DIPK1A: variants seen among roughly 807,000 people sequenced by gnomAD.
The protein encoded by DIPK1A is divergent protein kinase domain 1A.
A neutral mutation model predicts 40.8 loss-of-function variants in DIPK1A; 27 were observed. That is an observed-to-expected ratio of 0.66 (90% CI 0.49 to 0.91). DIPK1A has a LOEUF of 0.91. DIPK1A is among the 40% of genes least tolerant of loss of function. The pLI, the probability that DIPK1A is intolerant of heterozygous loss-of-function variation, is 0.00. For synonymous variants in DIPK1A, 166 were observed against 171.3 expected (o/e 0.97, Z 0.24); for missense variants, 412 against 505.7 (o/e 0.81, Z 1.78).
intron 1 of DIPK1A, among the ~76,000 whole-genome samples, chr1:92,896,684 A>G (rs1356254996): frequency 6.6e-6 from 1 of 152,052 alleles, no homozygotes; most frequent in Non-Finnish European, 1.5e-5. Flanking sequence ...GAGCTTCTGC[A>G]CAGCAAAGAA....
At chr1:92,834,668 G>A in intron 4 of DIPK1A, 3 of 1,406,550 alleles carry the variant, frequency 2.1e-6, no homozygotes, top group South Asian at 1.2e-5. Context: ...AGCATTTTAA[G>A]TGATGTTCAT....
At chr1:92,918,230 A>G (rs1170310166) in intron 1 of DIPK1A, among the ~76,000 whole-genome samples, 1 of 152,020 alleles carries the variant, frequency 6.6e-6, no homozygotes, top group African/African-American at 2.4e-5. Context: ...GCTCACTCCA[A>G]TCTCCACCTT....
Position 92,850,845 on chromosome 1 carries a change from T to C in DIPK1A, c.297+3A>G. ...CTGGAATGTTTATTCATAATGGCCA[T>C]ACCTGATTGTTGGGCTTGGTGGATA... On this transcript the variant is annotated splice_donor_region_variant and intron_variant, in intron 3 of 4. Coordinates refer to ENST00000370310, the MANE Select transcript of DIPK1A (RefSeq NM_001006605.5). 6.6e-7 allele frequency: 1 copy of C among 1,515,714 alleles called. No homozygotes were observed. The highest frequency in any genetic ancestry group is 1.4e-5 in the African/African-American group (1 of 72,664). 93.9% of individuals were successfully genotyped at this position (1,515,714 alleles called of 1,614,324 possible). A position where few individuals can be genotyped will look rare whatever the true frequency, so the allele number is the denominator to read the frequency against.
At chr1:92,954,571 C>T (rs780933786) in intron 1 of DIPK1A, among the ~76,000 whole-genome samples, 8 of 151,654 alleles carry the variant, frequency 5.3e-5, no homozygotes, top group Admixed American at 2.0e-4. Flanking sequence ...GACAGGGTTT[C>T]GCCACATTGG....
rs181202100 is a variant in DIPK1A at position 92,926,199 on chromosome 1, A to C, written c.54+35177T>G. ...TCTAATATGAACAATTAAAGCTATA[A>C]ATTTCTCTGTAAGCAGTGCTTTAAC... On this transcript the variant is annotated intron_variant, in intron 1 of 4. Coordinates refer to ENST00000370310, the MANE Select transcript of DIPK1A (RefSeq NM_001006605.5). Among the ~76,000 whole-genome samples, 66 of 152,302 alleles carry C rather than the reference A, an allele frequency of 4.3e-4. 1 individual carries two copies. The highest frequency in any genetic ancestry group is 1.6e-3 in the African/African-American group (66 of 41,582).
intron 2 of DIPK1A, among the ~76,000 whole-genome samples, chr1:92,865,034 T>A (rs182384690): frequency 0.012 from 1,026 of 82,324 alleles, 11 homozygotes; most frequent in African/African-American, 0.048. Flanking sequence ...AGAGTGAGAC[T>A]CCGTCTCAAA....
At chr1:92,900,800 T>C (rs71652510) in intron 1 of DIPK1A, among the ~76,000 whole-genome samples, 31,870 of 151,954 alleles carry the variant, frequency 0.21, 3,848 homozygotes, top group Non-Finnish European at 0.27. Context: ...GGACCCAAGC[T>C]GCTAAAAGGT....
chr1:92,915,790 AAAT>A (rs1424771630), intron 1 of DIPK1A, among the ~76,000 whole-genome samples: 2 of 152,230 alleles, frequency 1.3e-5, no homozygotes, highest in African/African-American at 4.8e-5. Context: ...AAAGAACTAA[AAAT>A]ATATGTCCAC....
intron 1 of DIPK1A, among the ~76,000 whole-genome samples, chr1:92,940,672 T>G (rs1461845377): frequency 6.6e-6 from 1 of 152,250 alleles, no homozygotes; most frequent in Non-Finnish European, 1.5e-5. Flanking sequence ...CTTGCATATT[T>G]TTAAGTTGAC....
At chr1:92,937,434 T>G (rs1488642094) in intron 1 of DIPK1A, among the ~76,000 whole-genome samples, 1 of 152,238 alleles carries the variant, frequency 6.6e-6, no homozygotes, top group Non-Finnish European at 1.5e-5. Context: ...TTTGCAGATG[T>G]GACTTTCAAT....
chr1:92,854,991 T>C (rs545978989), intron 2 of DIPK1A, among the ~76,000 whole-genome samples: 2 of 150,136 alleles, frequency 1.3e-5, no homozygotes, highest in South Asian at 4.2e-4. Context: ...TGACCACATA[T>C]AAATAAAAAA....
chr1:92,886,844 T>G (rs958423794), intron 1 of DIPK1A, among the ~76,000 whole-genome samples: 21 of 152,044 alleles, frequency 1.4e-4, no homozygotes, highest in African/African-American at 5.1e-4. Flanking sequence ...TATAGCTTAT[T>G]GGAACACAGT....
intron 1 of DIPK1A, among the ~76,000 whole-genome samples, chr1:92,935,156 C>T (rs1366013350): frequency 6.6e-6 from 1 of 152,166 alleles, no homozygotes. Flanking sequence ...CAGGACAAAA[C>T]ACAGGTCTTG....
At chr1:92,840,760 G>T (rs10874744), downstream of DIPK1A, 1 of 796,240 alleles carries the variant, frequency 1.3e-6, no homozygotes, top group African/African-American at 1.7e-5. Context: ...TGGCAGAAGC[G>T]AAGGGAACCA....
intron 2 of DIPK1A, among the ~76,000 whole-genome samples, chr1:92,855,089 CTG>C (rs1364935146): frequency 6.6e-6 from 1 of 151,818 alleles, no homozygotes; most frequent in East Asian, 1.9e-4. Context: ...GACCAAAAAA[CTG>C]TACAATTTTT....
At chr1:92,840,900 TTGA>T (rs1687337084), downstream of DIPK1A, 1 of 584,726 alleles carries the variant, frequency 1.7e-6, no homozygotes, top group Non-Finnish European at 3.2e-6. Context: ...TTGCTTTTTG[TTGA>T]TCTTTCATGT....
downstream of DIPK1A, chr1:92,837,368 C>T (rs367590103): frequency 4.9e-5 from 55 of 1,118,198 alleles, no homozygotes; most frequent in African/African-American, 5.0e-4. Flanking sequence ...TGTTTCAAGA[C>T]GGGACTGATG....
chr1:92,843,367 A>G lies in DIPK1A; in HGVS notation c.*16T>C, dbSNP rs762054117. On this transcript the variant is annotated 3_prime_UTR_variant, in exon 5 of 5. Coordinates refer to ENST00000370310, the MANE Select transcript of DIPK1A (RefSeq NM_001006605.5). ...AAGTGGCAGGTTTCTTAAAATGGTA[A>G]TTATGTCCAAATGAACTAAGAGTCA... 103 of 1,479,622 alleles carry G rather than the reference A, an allele frequency of 7.0e-5. 2 individuals carry two copies. In the South Asian group the frequency reaches 7.3e-4, roughly 11 times the overall value. The allele number at this position is 1,479,622 out of a possible 1,614,324, so 91.7% of individuals were successfully genotyped here.
intron 1 of DIPK1A, among the ~76,000 whole-genome samples, chr1:92,945,163 G>A (rs528928598): frequency 6.6e-6 from 1 of 151,782 alleles, no homozygotes; most frequent in African/African-American, 2.4e-5. Context: ...GAGGTTTCTG[G>A]TAAGAAGAAA....
Sources: gnomAD v4.1 joint callset for allele counts (sites outside exome capture counted in the v4.1 genomes callset) on GRCh38, gnomAD v4.1.1 for gene constraint, MANE v1.5 for transcripts, NCBI Gene and HGNC (gene_info 2026-07-23, HGNC 2026-07-21) for gene names.